Variants in TLL1 observed in about 807,000 individuals in gnomAD.
The protein encoded by TLL1 is tolloid like 1, also known as tolloid-like protein 1.
In TLL1, 49 loss-of-function variants were observed where a neutral mutation model predicts 128.2. That is an observed-to-expected ratio of 0.38 (90% CI 0.30 to 0.48). TLL1 has a LOEUF of 0.48. Among genes scored for constraint, TLL1 ranks in the 20% least tolerant of loss-of-function variants. The pLI, the probability that TLL1 is intolerant of heterozygous loss-of-function variation, is 0.96. For missense variants in TLL1, 1,123 were observed against 1,242.0 expected (o/e 0.90, Z 1.44); for synonymous variants, 454 against 418.8 (o/e 1.08, Z -1.03).
chr4:165,933,161 A>C (rs545876720), intron 1 of TLL1, among the ~76,000 whole-genome samples: 13 of 152,304 alleles, frequency 8.5e-5, no homozygotes, highest in African/African-American at 3.1e-4. Flanking sequence ...TACTTAAAGC[A>C]TCAAGTTATC....
At chr4:166,020,921 G>T (rs1220340101) in intron 8 of TLL1, among the ~76,000 whole-genome samples, 1 of 152,126 alleles carries the variant, frequency 6.6e-6, no homozygotes, top group African/African-American at 2.4e-5. Flanking sequence ...TCCCAAATAT[G>T]CAAGTGTTTC....
chr4:166,050,471 G>C (rs1251370281), intron 12 of TLL1, among the ~76,000 whole-genome samples: 1 of 152,158 alleles, frequency 6.6e-6, no homozygotes, highest in East Asian at 1.9e-4. Context: ...AAGTGGTATT[G>C]CTAGATCATA....
intron 1 of TLL1, among the ~76,000 whole-genome samples, chr4:165,874,761 C>T (rs573817923): frequency 6.6e-6 from 1 of 152,256 alleles, no homozygotes; most frequent in Non-Finnish European, 1.5e-5. Flanking sequence ...GCAGTCGGAC[C>T]GGCACTGCCT....
intron 11 of TLL1, 118 bp downstream of exon 11, chr4:166,042,261 T>A (rs1739272048): frequency 1.3e-6 from 1 of 742,044 alleles, no homozygotes; most frequent in East Asian, 3.0e-5. Flanking sequence ...TTTTTCTGAA[T>A]CTGTATTATA....
chr4:165,987,361 G>T (rs942186409), intron 1 of TLL1, among the ~76,000 whole-genome samples: 1 of 152,074 alleles, frequency 6.6e-6, no homozygotes, highest in African/African-American at 2.4e-5. Context: ...TTTAACTTGG[G>T]TAAGTTTCTT....
intron 1 of TLL1, among the ~76,000 whole-genome samples, chr4:165,940,487 A>G (rs1031916194): frequency 6.6e-6 from 1 of 152,074 alleles, no homozygotes; most frequent in African/African-American, 2.4e-5. Flanking sequence ...GTGTATTTAT[A>G]TTAAATTCAA....
intron 1 of TLL1, among the ~76,000 whole-genome samples, chr4:165,977,528 T>A (rs1350646383): frequency 2.0e-5 from 3 of 152,150 alleles, no homozygotes; most frequent in African/African-American, 7.2e-5. Flanking sequence ...AATAGAATAG[T>A]CAACTATTTT....
chr4:166,027,110 C>T (rs1738536317), intron 9 of TLL1, among the ~76,000 whole-genome samples: 1 of 152,010 alleles, frequency 6.6e-6, no homozygotes, highest in South Asian at 2.1e-4. Flanking sequence ...AGCTAAAAGG[C>T]CATAATCCTA....
chr4:165,985,260 G>T (rs1736347746), intron 1 of TLL1, among the ~76,000 whole-genome samples: 1 of 151,968 alleles, frequency 6.6e-6, no homozygotes, highest in African/African-American at 2.4e-5. Context: ...GGGAAGAGCA[G>T]GTTTCTAGGA....
chr4:165,999,797 CAAAA>C (rs536762307), intron 5 of TLL1, among the ~76,000 whole-genome samples: 452 of 151,710 alleles, frequency 3.0e-3, no homozygotes, highest in Non-Finnish European at 5.6e-3. Context: ...TAAATCAAAA[CAAAA>C]AAGAAACTGA....
intron 1 of TLL1, among the ~76,000 whole-genome samples, chr4:165,961,962 C>T (rs1735127091): frequency 6.6e-6 from 1 of 151,996 alleles, no homozygotes; most frequent in Non-Finnish European, 1.5e-5. Context: ...GAAACATGAC[C>T]TCAAAATACA....
chr4:165,937,103 C>G (rs1733799188), intron 1 of TLL1, among the ~76,000 whole-genome samples: 1 of 152,126 alleles, frequency 6.6e-6, no homozygotes, highest in South Asian at 2.1e-4. Context: ...AAAGAATAGA[C>G]TATTATGTAA....
chr4:166,007,175 C>T (rs574922279), intron 6 of TLL1, among the ~76,000 whole-genome samples: 4 of 151,466 alleles, frequency 2.6e-5, no homozygotes, highest in South Asian at 2.1e-4. Context: ...TGTGTCTTTC[C>T]GGAATCATTG....
intron 1 of TLL1, among the ~76,000 whole-genome samples, chr4:165,885,281 G>A (rs1040044525): frequency 1.3e-5 from 2 of 151,974 alleles, no homozygotes; most frequent in Admixed American, 1.3e-4. Context: ...GCTGTTCGAG[G>A]CCTAAAGCAA....
At chr4:165,945,491 A>T (rs1018336007) in intron 1 of TLL1, among the ~76,000 whole-genome samples, 1 of 152,114 alleles carries the variant, frequency 6.6e-6, no homozygotes, top group Non-Finnish European at 1.5e-5. Context: ...TTTCAGTGTG[A>T]TGTATATGAC....
chr4:165,980,836 A>G (rs1189326915), intron 1 of TLL1, among the ~76,000 whole-genome samples: 1 of 152,120 alleles, frequency 6.6e-6, no homozygotes, highest in African/African-American at 2.4e-5. Flanking sequence ...ACAATATCAG[A>G]CACAAAATAT....
At chr4:166,077,243 A>C (rs1052614343) in intron 17 of TLL1, among the ~76,000 whole-genome samples, 11 of 145,714 alleles carry the variant, frequency 7.5e-5, no homozygotes, top group Admixed American at 4.1e-4. Flanking sequence ...AAAAAAAAAA[A>C]CCCTTAAGTA....
chr4:166,026,283 G>A (rs750497782), intron 9 of TLL1, among the ~76,000 whole-genome samples: 4 of 151,958 alleles, frequency 2.6e-5, no homozygotes, highest in Non-Finnish European at 2.9e-5. Flanking sequence ...CAGCTATTCC[G>A]GGGGCTGAGG....
chr4:165,894,060 TTA>T (rs1731544920), intron 1 of TLL1, among the ~76,000 whole-genome samples: 1 of 152,110 alleles, frequency 6.6e-6, no homozygotes, highest in South Asian at 2.1e-4. Context: ...CTAGAATATC[TTA>T]TATTATAACA....
Sources: gnomAD v4.1 joint callset for allele counts (sites outside exome capture counted in the v4.1 genomes callset) on GRCh38, gnomAD v4.1.1 for gene constraint, MANE v1.5 for transcripts, NCBI Gene and HGNC (gene_info 2026-07-23, HGNC 2026-07-21) for gene names.